The following ARHGAP15 variants were observed in gnomAD, a reference collection of about 807,000 sequenced individuals.
ARHGAP15 encodes the protein Rho GTPase activating protein 15.
In ARHGAP15, 51 loss-of-function variants were observed where a neutral mutation model predicts 63.7. The ratio of observed to expected loss-of-function variants is 0.80; its 90% CI spans 0.64 to 1.01. ARHGAP15 has a LOEUF of 1.01. Ranked by LOEUF, ARHGAP15 falls within the 50% of genes least tolerant of loss-of-function variation. The pLI is 0.00. For missense variants in ARHGAP15, 560 were observed against 564.6 expected, an observed-to-expected ratio of 0.99 and a Z score of 0.08; for synonymous variants, 191 against 193.8, an observed-to-expected ratio of 0.99 and a Z score of 0.12.
chr2:143,192,211 A>G (rs1691710492), intron 2 of ARHGAP15, among the ~76,000 whole-genome samples: 2 of 152,172 alleles, frequency 1.3e-5, no homozygotes, highest in African/African-American at 4.8e-5. Context: ...GCCTAATTTG[A>G]TTCTGGAGCC....
At chr2:143,595,970 T>C (rs1004258074) in intron 11 of ARHGAP15, among the ~76,000 whole-genome samples, 21 of 152,178 alleles carry the variant, frequency 1.4e-4, no homozygotes, top group Non-Finnish European at 5.9e-5. Context: ...TTATTTTTTA[T>C]GTAAAGAAAC....
chr2:143,673,853 C>T (rs1401153588), intron 12 of ARHGAP15, among the ~76,000 whole-genome samples: 1 of 143,800 alleles, frequency 7.0e-6, no homozygotes, highest in African/African-American at 2.5e-5. Context: ...AATAATAGTC[C>T]TTCAGAAAGA....
At chr2:143,479,816 A>G (rs1228724561) in intron 8 of ARHGAP15, among the ~76,000 whole-genome samples, 1 of 151,954 alleles carries the variant, frequency 6.6e-6, no homozygotes, top group African/African-American at 2.4e-5. Flanking sequence ...CTGTTTAGGT[A>G]TATTTTCCCT....
intron 6 of ARHGAP15, among the ~76,000 whole-genome samples, chr2:143,434,699 G>C (rs1471257770): frequency 6.6e-6 from 1 of 152,104 alleles, no homozygotes; most frequent in African/African-American, 2.4e-5. Context: ...CAGTTGCAAG[G>C]AAAAGTCAAT....
intron 12 of ARHGAP15, among the ~76,000 whole-genome samples, chr2:143,636,151 C>A (rs567568061): frequency 2.0e-5 from 3 of 152,058 alleles, no homozygotes; most frequent in African/African-American, 4.8e-5. Flanking sequence ...TGCCAAGTAA[C>A]GGATGGGCAG....
intron 13 of ARHGAP15, among the ~76,000 whole-genome samples, chr2:143,764,684 GCT>G (rs1166739334): frequency 2.0e-5 from 3 of 152,116 alleles, no homozygotes; most frequent in Admixed American, 2.0e-4. Context: ...CCACTAATGA[GCT>G]CTTTCATCTC....
chr2:143,530,155 T>C (rs1356839945), intron 10 of ARHGAP15, among the ~76,000 whole-genome samples: 2 of 152,184 alleles, frequency 1.3e-5, no homozygotes, highest in East Asian at 3.8e-4. Flanking sequence ...ATTAAATGTC[T>C]CTTTAAACAT....
At chr2:143,641,648 T>C (rs1309224807) in intron 12 of ARHGAP15, among the ~76,000 whole-genome samples, 1 of 152,128 alleles carries the variant, frequency 6.6e-6, no homozygotes, top group Non-Finnish European at 1.5e-5. Flanking sequence ...CAGTAAAGTA[T>C]GCTATAAGGG....
chr2:143,662,268 G>C (rs375077299), intron 12 of ARHGAP15, among the ~76,000 whole-genome samples: 1 of 150,622 alleles, frequency 6.6e-6, no homozygotes, highest in African/African-American at 2.4e-5. Flanking sequence ...CCTGACCCCC[G>C]AGCAGCCTAA....
intron 13 of ARHGAP15, among the ~76,000 whole-genome samples, chr2:143,712,914 C>G (rs1225326138): frequency 6.6e-6 from 1 of 152,096 alleles, no homozygotes; most frequent in Non-Finnish European, 1.5e-5. Flanking sequence ...TTCTTCTGCT[C>G]TTAGAGCACT....
intron 9 of ARHGAP15, among the ~76,000 whole-genome samples, chr2:143,501,042 A>C (rs561230840): frequency 6.6e-6 from 1 of 152,200 alleles, no homozygotes; most frequent in Non-Finnish European, 1.5e-5. Flanking sequence ...GAAAGAAAAG[A>C]TGGAGCTGAA....
intron 10 of ARHGAP15, among the ~76,000 whole-genome samples, chr2:143,542,141 T>A (rs779781860): frequency 3.8e-4 from 58 of 152,178 alleles, no homozygotes; most frequent in Non-Finnish European, 2.6e-4. Context: ...ATGCTAGCAA[T>A]GAGCGAGGCT....
chr2:143,751,010 G>C (rs1686350875), intron 13 of ARHGAP15, among the ~76,000 whole-genome samples: 1 of 152,158 alleles, frequency 6.6e-6, no homozygotes, highest in African/African-American at 2.4e-5. Context: ...TCATGAGCCA[G>C]CTCTATTTCT....
intron 6 of ARHGAP15, among the ~76,000 whole-genome samples, chr2:143,322,486 C>T (rs1315549174): frequency 5.3e-5 from 8 of 151,714 alleles, no homozygotes; most frequent in African/African-American, 1.9e-4. Context: ...ATCTAAAATG[C>T]CATGATGGAT....
At chr2:143,341,319 C>A (rs1685048722) in intron 6 of ARHGAP15, among the ~76,000 whole-genome samples, 2 of 152,070 alleles carry the variant, frequency 1.3e-5, no homozygotes, top group African/African-American at 4.8e-5. Flanking sequence ...GAATTGAGAT[C>A]TTTCACATTA....
intron 13 of ARHGAP15, among the ~76,000 whole-genome samples, chr2:143,741,870 T>C (rs1158598955): frequency 6.6e-6 from 1 of 152,130 alleles, no homozygotes; most frequent in Non-Finnish European, 1.5e-5. Flanking sequence ...GAATGAGAAA[T>C]AAAAATGAAC....
At chr2:143,439,448 A>G (rs1378895699) in intron 8 of ARHGAP15, among the ~76,000 whole-genome samples, 1 of 145,204 alleles carries the variant, frequency 6.9e-6, no homozygotes, top group Non-Finnish European at 1.5e-5. Context: ...AAAAAAAAAA[A>G]GGGAAGAGAT....
chr2:143,667,430 G>GTC, intron 12 of ARHGAP15, among the ~76,000 whole-genome samples: 1 of 99,616 alleles, frequency 1.0e-5, no homozygotes, highest in Non-Finnish European at 2.0e-5. Flanking sequence ...TGGGGTCGGG[G>GTC]GAGGGGGGAG....
At chr2:143,647,729 C>T (rs1231268829) in intron 12 of ARHGAP15, among the ~76,000 whole-genome samples, 5 of 151,918 alleles carry the variant, frequency 3.3e-5, no homozygotes, top group Non-Finnish European at 4.4e-5. Flanking sequence ...AAACATACGT[C>T]GCTTTATATA....
Sources: gnomAD v4.1 joint callset for allele counts (sites outside exome capture counted in the v4.1 genomes callset) on GRCh38, gnomAD v4.1.1 for gene constraint, MANE v1.5 for transcripts, NCBI Gene and HGNC (gene_info 2026-07-23, HGNC 2026-07-21) for gene names.